The following GPC6 variants were observed in gnomAD, a reference collection of about 807,000 sequenced individuals.
GPC6 encodes the protein glypican-6.
GPC6 carries 14 observed loss-of-function variants against 55.2 expected under a neutral mutation model. The observed-to-expected ratio is 0.25, with a 90% CI of 0.17 to 0.40. GPC6 has a LOEUF of 0.40. GPC6 is among the 10% of genes least tolerant of loss of function. GPC6 has a pLI of 1.00. For missense variants in GPC6, 641 were observed against 708.5 expected (o/e 0.90, Z 1.08); for synonymous variants, 278 against 259.6 (o/e 1.07, Z -0.68).
intron 4 of GPC6, among the ~76,000 whole-genome samples, chr13:94,084,256 G>A (rs1251781156): frequency 6.6e-6 from 1 of 152,186 alleles, no homozygotes; most frequent in African/African-American, 2.4e-5. Context: ...TTAGAGAGTT[G>A]CATCCAAGGC....
At chr13:93,717,987 C>T (rs1414094053) in intron 2 of GPC6, among the ~76,000 whole-genome samples, 1 of 151,892 alleles carries the variant, frequency 6.6e-6, no homozygotes, top group African/African-American at 2.4e-5. Flanking sequence ...ATATGTGCCA[C>T]ATTTTCTTTA....
chr13:93,498,665 A>T (rs9561377), intron 1 of GPC6, among the ~76,000 whole-genome samples: 38,850 of 151,970 alleles, frequency 0.26, 5,533 homozygotes, highest in African/African-American at 0.38. Flanking sequence ...CCCGCCATGA[A>T]TCTGAGGCCT....
intron 4 of GPC6, among the ~76,000 whole-genome samples, chr13:94,099,727 G>A (rs765004811): frequency 1.3e-5 from 2 of 152,092 alleles, no homozygotes; most frequent in African/African-American, 4.8e-5. Flanking sequence ...TTGGGACCGG[G>A]CTCTTATGAA....
In GPC6 at chr13:94,212,451, A is replaced by G. The variant is rs548381786; in HGVS notation, c.878-73898A>G. Reference sequence around the variant, plus strand: ...ACCACATACAAATATTATTATCATCATTGTTAATTATGTGAAGTAAATAAA... The same window carrying G: ...ACCACATACAAATATTATTATCATCGTTGTTAATTATGTGAAGTAAATAAA... On this transcript the variant is annotated intron_variant, in intron 4 of 8. Coordinates refer to ENST00000377047, the MANE Select transcript of GPC6 (RefSeq NM_005708.5). Among the ~76,000 whole-genome samples, 4 of 152,294 alleles carry G rather than the reference A, an allele frequency of 2.6e-5. No homozygotes were observed. In the East Asian group the frequency reaches 5.8e-4, roughly 22 times the overall value.
At chr13:93,359,942 A>C (rs1473951414) in intron 1 of GPC6, among the ~76,000 whole-genome samples, 4 of 152,214 alleles carry the variant, frequency 2.6e-5, no homozygotes, top group Non-Finnish European at 5.9e-5. Context: ...AAACCATCAG[A>C]ATATAAGCTG....
intron 1 of GPC6, among the ~76,000 whole-genome samples, chr13:93,419,223 A>G (rs1299812533): frequency 6.6e-6 from 1 of 151,636 alleles, no homozygotes; most frequent in Non-Finnish European, 1.5e-5. Context: ...AAATGGGACT[A>G]TAAGAATAAT....
chr13:93,634,799 G>T (rs1034584320), intron 2 of GPC6, among the ~76,000 whole-genome samples: 2 of 152,166 alleles, frequency 1.3e-5, no homozygotes, highest in African/African-American at 4.8e-5. Flanking sequence ...GTCTCATTGT[G>T]CAGAACAGTG....
At chr13:94,058,536 A>G (rs191668708) in intron 4 of GPC6, among the ~76,000 whole-genome samples, 61 of 152,232 alleles carry the variant, frequency 4.0e-4, no homozygotes, top group Non-Finnish European at 7.8e-4. Context: ...ATAGCCCCCT[A>G]GGTGGTTACA....
intron 1 of GPC6, among the ~76,000 whole-genome samples, chr13:93,261,931 CACA>C (rs1877163338): frequency 1.2e-5 from 1 of 86,560 alleles, no homozygotes; most frequent in African/African-American, 4.5e-5. Flanking sequence ...CCTCTACACA[CACA>C]CACACACACA....
At chr13:93,233,350 A>AT (rs1876126514) in intron 1 of GPC6, among the ~76,000 whole-genome samples, 1 of 142,170 alleles carries the variant, frequency 7.0e-6, no homozygotes, top group Non-Finnish European at 1.5e-5. Context: ...TAGCCAAAAA[A>AT]AAAAAAATCA....
Position 93,715,085 on chromosome 13 carries a change from G to A in GPC6, c.320-115069G>A, listed in dbSNP as rs547719085. The stretch of plus-strand genomic sequence containing the variant: ...TACTGTATCCTGTCTTATCAGTGCG[G>A]TCTTGTGACCTGTTGTCTTGGAAAC... On this transcript the variant is annotated intron_variant, in intron 2 of 8. Transcript: ENST00000377047. 1.1e-4 allele frequency among the ~76,000 whole-genome samples: 17 copies of A among 151,734 alleles called. 1 individual carries two copies. The highest frequency in any genetic ancestry group is 5.9e-4 in the Admixed American group (9 of 15,184).
chr13:93,833,076 T>C (rs1401796966), intron 3 of GPC6, among the ~76,000 whole-genome samples: 9 of 142,248 alleles, frequency 6.3e-5, no homozygotes, highest in African/African-American at 2.3e-4. Context: ...GATGGATGGA[T>C]GGATGGATGG....
chr13:94,196,310 A>G (rs1889575772), intron 4 of GPC6, among the ~76,000 whole-genome samples: 1 of 151,988 alleles, frequency 6.6e-6, no homozygotes, highest in East Asian at 1.9e-4. Flanking sequence ...CAAGCTGTAC[A>G]TTTGTGTTTT....
At chr13:93,542,621 G>C (rs1394998056) in intron 1 of GPC6, among the ~76,000 whole-genome samples, 2 of 152,110 alleles carry the variant, frequency 1.3e-5, no homozygotes, top group African/African-American at 4.8e-5. Flanking sequence ...GGGCAGTATG[G>C]CCATTTTCGT....
intron 1 of GPC6, among the ~76,000 whole-genome samples, chr13:93,430,074 T>G (rs1223177621): frequency 6.6e-6 from 1 of 152,112 alleles, no homozygotes; most frequent in African/African-American, 2.4e-5. Flanking sequence ...ACAATTTTAC[T>G]ATAGTACTTA....
chr13:93,548,930 C>G (rs902790436), intron 2 of GPC6, among the ~76,000 whole-genome samples: 1 of 152,102 alleles, frequency 6.6e-6, no homozygotes, highest in Non-Finnish European at 1.5e-5. Flanking sequence ...CATTGCTTCT[C>G]CAAGGGTCTG....
At chr13:93,322,778 T>C (rs1267409764) in intron 1 of GPC6, among the ~76,000 whole-genome samples, 1 of 152,052 alleles carries the variant, frequency 6.6e-6, no homozygotes, top group African/African-American at 2.4e-5. Context: ...TTGTTGTTTT[T>C]AATTTGTTTG....
At chr13:93,606,458 A>G (rs942706168) in intron 2 of GPC6, among the ~76,000 whole-genome samples, 5 of 152,186 alleles carry the variant, frequency 3.3e-5, no homozygotes, top group East Asian at 1.9e-4. Context: ...GTAATCATCA[A>G]TTAGTTTTTA....
At chr13:94,166,240 T>C (rs1888364448) in intron 4 of GPC6, among the ~76,000 whole-genome samples, 1 of 152,224 alleles carries the variant, frequency 6.6e-6, no homozygotes, top group African/African-American at 2.4e-5. Flanking sequence ...GCATTAAACT[T>C]CTAAAGATAG....
Sources: gnomAD v4.1 joint callset for allele counts (sites outside exome capture counted in the v4.1 genomes callset) on GRCh38, gnomAD v4.1.1 for gene constraint, MANE v1.5 for transcripts, NCBI Gene and HGNC (gene_info 2026-07-23, HGNC 2026-07-21) for gene names.